Variants in ACCS observed in about 807,000 individuals in gnomAD.
ACCS encodes 1-aminocyclopropane-1-carboxylate synthase-like protein 1.
Under a neutral mutation model 59.8 loss-of-function variants are expected in ACCS, and 42 were observed. The ratio of observed to expected loss-of-function variants is 0.70; its 90% CI spans 0.55 to 0.91. The LOEUF is 0.91. Among genes scored for constraint, ACCS ranks in the 40% least tolerant of loss-of-function variants. ACCS has a pLI of 0.00. For synonymous variants in ACCS, 230 were observed against 240.3 expected, an observed-to-expected ratio of 0.96 and a Z score of 0.40; for missense variants, 602 against 630.4, an observed-to-expected ratio of 0.95 and a Z score of 0.48.
At chr11:44,075,051 C>T (rs1399056745) in intron 5 of ACCS, among the ~76,000 whole-genome samples, 15 of 151,706 alleles carry the variant, frequency 9.9e-5, no homozygotes, top group African/African-American at 3.6e-4. Flanking sequence ...CTCGAACTAC[C>T]GACCTCAGGT....
At chr11:44,079,831 C>T (rs1271942404) in intron 10 of ACCS, among the ~76,000 whole-genome samples, 1 of 152,188 alleles carries the variant, frequency 6.6e-6, no homozygotes, top group Non-Finnish European at 1.5e-5. Flanking sequence ...CTGAGAACTC[C>T]AAGAAGAGGC....
rs749889420 is a variant in ACCS, at chr11:44,077,880, A to G, written c.690A>G (p.Thr230=). The G allele has an allele frequency of 1.2e-6, 2 of 1,614,040 alleles. No individual in the cohort carries two copies. The highest frequency in any genetic ancestry group is 1.7e-6 in the Non-Finnish European group (2 of 1,179,988). The change falls in exon 8 of 15, where the codon ACA becomes ACG. Residue 230 remains threonine, a synonymous_variant. Coordinates refer to ENST00000263776, the MANE Select transcript of ACCS (RefSeq NM_032592.4). ...TAGACACACGCCCCTTCCAGCTCAC[A>G]GTGGAGAAGCTGGAGATGGCCCTGA... ...TGLDTRPFQL[T]VEKLEMALRE... is the part of the protein sequence containing the mutation.
At chr11:44,073,199 G>T in intron 3 of ACCS, 2 of 518,364 alleles carry the variant, frequency 3.9e-6, no homozygotes, top group East Asian at 3.5e-5. Flanking sequence ...TGCCAGACTA[G>T]GAGTCAAAAA....
rs971380242 is a variant in ACCS at position 44,071,486 on chromosome 11, T to C, written c.348+171T>C. Reference sequence around the variant, plus strand: ...AGTTTTCTGTGTGATCTTAGGTGAGTTTCTTCCCCACTGTAGTCCTATTTC... The same window carrying C: ...AGTTTTCTGTGTGATCTTAGGTGAGCTTCTTCCCCACTGTAGTCCTATTTC... On this transcript the variant is annotated intron_variant, in intron 3 of 14. Transcript: ENST00000263776. The C allele has an allele frequency of 2.6e-4, 163 of 638,136 alleles. No individual in the cohort carries two copies. In the African/African-American group the frequency reaches 2.8e-3, roughly 11 times the overall value. The allele number at this position is 638,136 out of a possible 1,614,324, so 39.5% of individuals were successfully genotyped here.
chr11:44,083,841 G>C lies in ACCS; in HGVS notation c.*49G>C. 4 of 1,554,624 alleles carry C rather than the reference G, an allele frequency of 2.6e-6. No homozygotes were observed. The highest frequency in any genetic ancestry group is 3.5e-6 in the Non-Finnish European group (4 of 1,149,114). On this transcript the variant is annotated 3_prime_UTR_variant, in exon 15 of 15. Transcript: ENST00000263776. ...AGGGCCCAGCAGCCACTGTGGACCT[G>C]GGGCGTTCTGGGGCTGCAGAAGACT...
At chr11:44,075,265 A>G (rs1029045885) in intron 5 of ACCS, among the ~76,000 whole-genome samples, 29 of 152,130 alleles carry the variant, frequency 1.9e-4, no homozygotes, top group African/African-American at 6.8e-4. Flanking sequence ...TTTCCACCCC[A>G]TGTTGTTCTG....
intron 3 of ACCS, chr11:44,071,604 G>C: frequency 6.1e-6 from 2 of 329,226 alleles, no homozygotes. Flanking sequence ...TGTGGTGTAG[G>C]TATTTAGCAA....
rs749737848 is a variant in ACCS, at chr11:44,083,185, G to T, written c.1128G>T (p.Val376=). 2.1e-4 allele frequency: 347 copies of T among 1,614,196 alleles called. 1 individual carries two copies. Among genetic ancestry groups the T allele is most frequent in the Non-Finnish European group, 2.7e-4 (318 of 1,180,022 alleles). The change falls in exon 13 of 15, where the codon GTG becomes GTT. Residue 376 remains valine, a synonymous_variant. Transcript: ENST00000263776. ...LLRDRDWINQ[V]YLPENHARLK... ...CCCAAACAGACTGGATCAACCAGGT[G>T]TACCTGCCGGAAAACCATGCCCGGC...
chr11:44,079,359 G>A, intron 9 of ACCS, 172 bp from the exon 10 acceptor site: 1 of 601,730 alleles, frequency 1.7e-6, no homozygotes. Context: ...TGTATGTGTG[G>A]CTTTCTGTTT....
At chr11:44,080,219 T>C (rs1428084927) in intron 10 of ACCS, among the ~76,000 whole-genome samples, 1 of 152,178 alleles carries the variant, frequency 6.6e-6, no homozygotes, top group Non-Finnish European at 1.5e-5. Flanking sequence ...ACTCTGTTTC[T>C]ACGGGAAAGA....
Position 44,067,802 on chromosome 11 carries a change from G to T in ACCS, c.175G>T (p.Asp59Tyr), listed in dbSNP as rs33952257. The T allele has an allele frequency of 6.2e-7, 1 of 1,613,834 alleles. No individual in the cohort carries two copies. Among genetic ancestry groups the T allele is most frequent in the Non-Finnish European group, 8.5e-7 (1 of 1,179,944 alleles). Residue 59 changes from aspartate to tyrosine, a missense_variant, in exon 2 of 15, where the codon GAT becomes TAT. By Grantham distance (160) the Asp-to-Tyr change is radical (BLOSUM62 -3). Transcript: ENST00000263776. ...GVGDPAMISSDTSYLSSRGRM... is the reference protein window; with the variant it reads ...GVGDPAMISSYTSYLSSRGRM... ...GGGTGATCCTGCCATGATCTCCTCT[G>T]ATACCTCCTACCTGTCCTCTAGAGG...
At chr11:44,076,316 C>T (rs904171030) in intron 6 of ACCS, among the ~76,000 whole-genome samples, 2 of 152,202 alleles carry the variant, frequency 1.3e-5, no homozygotes, top group Admixed American at 6.5e-5. Flanking sequence ...TTATTGACCA[C>T]GTACTGTGTT....
At chr11:44,075,965 T>G (rs1339629742) in intron 6 of ACCS, 2 of 192,818 alleles carry the variant, frequency 1.0e-5, no homozygotes, top group African/African-American at 4.6e-5. Flanking sequence ...GAGGCCCACT[T>G]CTATCTTCCT....
chr11:44,083,788 G>A lies in ACCS; in HGVS notation c.1502G>A (p.Arg501Lys). The A allele has an allele frequency of 6.2e-7, 1 of 1,608,528 alleles. No individual in the cohort carries two copies. The highest frequency in any genetic ancestry group is 8.5e-7 in the Non-Finnish European group (1 of 1,177,404). The change falls in exon 15 of 15, where the codon AGG becomes AAG. Residue 501 changes from arginine to lysine, a missense_variant. Transcript: ENST00000263776. ...AGCCAGGAGCCAAGTGACCAACGCAGGTGAGCTGGTCATTGTCTCGTGGCC... is the reference window on the plus strand; with the variant it reads ...AGCCAGGAGCCAAGTGACCAACGCAAGTGAGCTGGTCATTGTCTCGTGGCC... ...SQSQEPSDQR[R>K]
In ACCS at chr11:44,078,252, T is replaced by C. The variant is rs1590497871; in HGVS notation, c.732+330T>C. 1.5e-5 allele frequency: 5 copies of C among 341,400 alleles called. No individual in the cohort carries two copies. In the East Asian group the frequency reaches 2.7e-4, roughly 18 times the overall value. The allele number at this position is 341,400 out of a possible 1,614,324, so 21.1% of individuals were successfully genotyped here. On this transcript the variant is annotated intron_variant, in intron 8 of 14. Transcript: ENST00000263776. Reference sequence around the variant, plus strand: ...GAGTCTGTGGTTTTACAAGTCTCCCTGGTAGTTTGAGGGGGCAACCTTGCT... The same window carrying C: ...GAGTCTGTGGTTTTACAAGTCTCCCCGGTAGTTTGAGGGGGCAACCTTGCT...
intron 9 of ACCS, 120 bp from the exon 10 acceptor site, chr11:44,079,410 GT>G (rs1953531806): frequency 1.4e-6 from 1 of 721,108 alleles, no homozygotes; most frequent in Admixed American, 2.7e-5. Flanking sequence ...GGAAAAACAA[GT>G]TTGGTAACCC....
chr11:44,074,756 C>CT lies in ACCS; in HGVS notation c.489+78dup, dbSNP rs373862174. 10 of 492,746 alleles carry CT rather than the reference C, an allele frequency of 2.0e-5. 1 individual carries two copies. In the Admixed American group the frequency reaches 4.8e-4, roughly 24 times the overall value. 30.5% of individuals were successfully genotyped at this position (492,746 alleles called of 1,614,324 possible). A position where few individuals can be genotyped will look rare whatever the true frequency, so the allele number is the denominator to read the frequency against. On this transcript the variant is annotated intron_variant, in intron 5 of 14. Coordinates refer to ENST00000263776, the MANE Select transcript of ACCS (RefSeq NM_032592.4). The stretch of plus-strand genomic sequence containing the variant: ...CATCTCTTTCTTTCTTTCTTTCTTT[C>CT]TTTCTTTCTTTCTTTCTTTTTCTCT...
At chr11:44,069,095 T>C (rs1372292469) in intron 2 of ACCS, among the ~76,000 whole-genome samples, 2 of 152,202 alleles carry the variant, frequency 1.3e-5, no homozygotes, top group Non-Finnish European at 2.9e-5. Context: ...AAGTGAGGGA[T>C]TGTGTTAGTT....
rs1953039175 is a variant in ACCS at position 44,071,298 on chromosome 11, G to C, written c.331G>C (p.Asp111His). The change falls in exon 3 of 15, where the codon GAC (aspartate) becomes CAC (histidine). Residue 111 changes from aspartate to histidine, a missense_variant. By Grantham distance (81) the Asp-to-His change is moderately conservative. Transcript: ENST00000263776. ...LGTSENKLCF[D>H]LLSWRLSQRD... is the part of the protein sequence containing the mutation. ...CACCAGTGAGAACAAACTCTGCTTT[G>C]ACCTGCTGTCCTGGCGGGTAAGTCC... is the stretch of plus-strand genomic sequence containing the variant. 1 of 1,613,958 alleles carries C rather than the reference G, an allele frequency of 6.2e-7. No individual in the cohort carries two copies. The highest frequency in any genetic ancestry group is 1.3e-5 in the African/African-American group (1 of 74,904).
Sources: allele counts gnomAD v4.1 joint callset (sites outside exome capture counted in the v4.1 genomes callset), GRCh38; gene constraint gnomAD v4.1.1; transcripts MANE v1.5; gene names NCBI Gene and HGNC (gene_info 2026-07-23, HGNC 2026-07-21).